The following FBXL20 variants were observed in gnomAD, a reference collection of about 807,000 sequenced individuals.
FBXL20 encodes the protein F-box/LRR-repeat protein 20.
In FBXL20, 11 loss-of-function variants were observed where a neutral mutation model predicts 64.0. The ratio of observed to expected loss-of-function variants is 0.17; its 90% CI spans 0.11 to 0.28. The LOEUF (loss-of-function observed/expected upper bound fraction) is 0.28, where lower values mean the gene tolerates loss of function less well. FBXL20 is among the 10% of genes least tolerant of loss of function. FBXL20 has a pLI of 1.00. For synonymous variants in FBXL20, 184 were observed against 189.0 expected (o/e 0.97, Z 0.22); for missense variants, 303 against 526.2 (o/e 0.58, Z 4.15).
chr17:39,321,112 G>C (rs2047351866), intron 2 of FBXL20, among the ~76,000 whole-genome samples: 1 of 151,820 alleles, frequency 6.6e-6, no homozygotes, highest in Non-Finnish European at 1.5e-5. Context: ...GAAAACTTAA[G>C]AATACTCCCA....
intron 1 of FBXL20, among the ~76,000 whole-genome samples, chr17:39,390,703 G>T (rs1246386807): frequency 6.6e-6 from 1 of 152,120 alleles, no homozygotes; most frequent in Non-Finnish European, 1.5e-5. Flanking sequence ...TTCCAACCTG[G>T]GTGATAGATC....
In FBXL20 at chr17:39,259,680, C is replaced by T. The variant is rs2046727573; in HGVS notation, c.*1780G>A. ...AATGCTTCACCTGGCTACATTCATA[C>T]TTCATTCAGAAGTCTGAACAGGGCC... On this transcript the variant is annotated 3_prime_UTR_variant, in exon 15 of 15. Transcript: ENST00000264658. 1 of 151,982 alleles carries T rather than the reference C, an allele frequency of 6.6e-6. No homozygotes were observed. The highest frequency in any genetic ancestry group is 1.9e-4 in the East Asian group (1 of 5,182). 9.4% of individuals were successfully genotyped at this position (151,982 alleles called of 1,614,324 possible). A position where few individuals can be genotyped will look rare whatever the true frequency, so the allele number is the denominator to read the frequency against.
At chr17:39,296,559 C>CAAAA (rs60002793) in intron 6 of FBXL20, among the ~76,000 whole-genome samples, 20 of 62,140 alleles carry the variant, frequency 3.2e-4, no homozygotes, top group East Asian at 5.5e-4. Context: ...GACTCTGTCT[C>CAAAA]AAAAAAAAAA....
Position 39,320,433 on chromosome 17 carries a change from T to C in FBXL20, c.105-16794A>G, listed in dbSNP as rs552978504. On this transcript the variant is annotated intron_variant, in intron 2 of 14. Coordinates refer to ENST00000264658, the MANE Select transcript of FBXL20 (RefSeq NM_032875.3). Reference sequence around the variant, plus strand: ...AGAGGCATAAAAGATAAGTGGTATATACTGACCTCACAGCACGGTTTACCA... The same window carrying C: ...AGAGGCATAAAAGATAAGTGGTATACACTGACCTCACAGCACGGTTTACCA... Among the ~76,000 whole-genome samples the C allele has an allele frequency of 4.6e-5, 7 of 152,262 alleles. No individual in the cohort carries two copies. The East Asian group carries it at 9.6e-4, about 21-fold the overall frequency.
chr17:39,289,998 CAAAAA>C (rs368530587), intron 6 of FBXL20, among the ~76,000 whole-genome samples: 172 of 41,828 alleles, frequency 4.1e-3, no homozygotes, highest in Non-Finnish European at 6.7e-3. Flanking sequence ...GACTCAGTCT[CAAAAA>C]AAAAAAAAAA....
chr17:39,331,150 G>A (rs1211673822), intron 2 of FBXL20, among the ~76,000 whole-genome samples: 1 of 152,174 alleles, frequency 6.6e-6, no homozygotes. Flanking sequence ...TCTGCGCCCA[G>A]GCTAGAGTAC....
At chr17:39,283,931 T>C (rs1425536880) in intron 7 of FBXL20, among the ~76,000 whole-genome samples, 1 of 141,730 alleles carries the variant, frequency 7.1e-6, no homozygotes, top group Admixed American at 7.1e-5. Flanking sequence ...TCAAGTTCAT[T>C]CTCCAATATT....
Position 39,311,996 on chromosome 17 carries a change from ATGTC to A in FBXL20, c.105-8361_105-8358del, listed in dbSNP as rs142182293. ...CAACAATCCTAATTCTGTTCTTAGAATGTCCTGAAGGGGTTCTAAGTATTAAGAT... is the reference window on the plus strand; with the variant it reads ...CAACAATCCTAATTCTGTTCTTAGAACTGAAGGGGTTCTAAGTATTAAGAT... On this transcript the variant is annotated intron_variant, in intron 2 of 14. Coordinates refer to ENST00000264658, the MANE Select transcript of FBXL20 (RefSeq NM_032875.3). 9.1e-3 allele frequency among the ~76,000 whole-genome samples: 1,390 copies of A among 152,296 alleles called. 17 individuals are homozygous for A. The highest frequency in any genetic ancestry group is 0.032 in the African/African-American group (1,313 of 41,556).
At chr17:39,294,172 A>AGG (rs1467894244) in intron 6 of FBXL20, among the ~76,000 whole-genome samples, 6 of 151,584 alleles carry the variant, frequency 4.0e-5, no homozygotes, top group Non-Finnish European at 8.8e-5. Flanking sequence ...ATAGGGTCTC[A>AGG]CTATGTTGGC....
intron 2 of FBXL20, among the ~76,000 whole-genome samples, chr17:39,341,938 C>T (rs1356257251): frequency 6.6e-6 from 1 of 152,148 alleles, no homozygotes; most frequent in East Asian, 1.9e-4. Context: ...AGAAAGAGCA[C>T]AAGTAGGCAA....
At chr17:39,272,643 A>G (rs914350758) in intron 10 of FBXL20, among the ~76,000 whole-genome samples, 7 of 148,012 alleles carry the variant, frequency 4.7e-5, no homozygotes, top group African/African-American at 1.5e-4. Context: ...AGGAGGTTAC[A>G]GTGAGCCAAG....
intron 1 of FBXL20, among the ~76,000 whole-genome samples, chr17:39,391,574 T>A (rs2048134049): frequency 6.6e-6 from 1 of 152,128 alleles, no homozygotes; most frequent in Non-Finnish European, 1.5e-5. Context: ...ATATAAATTA[T>A]AAGAGTACAT....
intron 2 of FBXL20, among the ~76,000 whole-genome samples, chr17:39,307,036 G>T (rs1281521588): frequency 6.6e-6 from 1 of 152,184 alleles, no homozygotes; most frequent in Non-Finnish European, 1.5e-5. Flanking sequence ...CGGATAGGTG[G>T]ATACAAAAGG....
At chr17:39,396,212 T>C (rs755956751) in intron 1 of FBXL20, among the ~76,000 whole-genome samples, 3 of 152,010 alleles carry the variant, frequency 2.0e-5, no homozygotes, top group Admixed American at 2.0e-4. Context: ...AAAGCACAGA[T>C]GCATAGGATT....
At chr17:39,359,921 TG>T (rs2047777927) in intron 1 of FBXL20, among the ~76,000 whole-genome samples, 1 of 152,120 alleles carries the variant, frequency 6.6e-6, no homozygotes, top group Non-Finnish European at 1.5e-5. Context: ...TTACATAAAA[TG>T]GAATATTTAG....
At chr17:39,305,221 A>G (rs906543914) in intron 2 of FBXL20, among the ~76,000 whole-genome samples, 3 of 152,262 alleles carry the variant, frequency 2.0e-5, no homozygotes, top group Non-Finnish European at 4.4e-5. Flanking sequence ...ATTTCATTCT[A>G]ATTTAATAAA....
In FBXL20 at chr17:39,259,232, G is replaced by C. The variant is rs1222411512; in HGVS notation, c.*2228C>G. On this transcript the variant is annotated 3_prime_UTR_variant, in exon 15 of 15. Transcript: ENST00000264658. ...TAGTCCCAGCTACTTGGGAGGCTGAGGTGGGAGGAAGGCTTGAGCCCAGGA... is the reference window on the plus strand; with the variant it reads ...TAGTCCCAGCTACTTGGGAGGCTGACGTGGGAGGAAGGCTTGAGCCCAGGA... The C allele has an allele frequency of 6.6e-6, 1 of 152,158 alleles. No individual in the cohort carries two copies. Among genetic ancestry groups the C allele is most frequent in the Non-Finnish European group, 1.5e-5 (1 of 68,064 alleles). 9.4% of individuals were successfully genotyped at this position (152,158 alleles called of 1,614,324 possible).
At chr17:39,301,493 C>T (rs1010465370) in intron 3 of FBXL20, among the ~76,000 whole-genome samples, 1 of 150,166 alleles carries the variant, frequency 6.7e-6, no homozygotes, top group East Asian at 2.0e-4. Context: ...TTTAGGAGGC[C>T]GAGGCAGGCG....
intron 2 of FBXL20, among the ~76,000 whole-genome samples, chr17:39,334,783 G>A (rs1201540452): frequency 1.3e-5 from 2 of 152,092 alleles, no homozygotes; most frequent in Non-Finnish European, 2.9e-5. Flanking sequence ...AGTTATCAAC[G>A]TCATCCTCAG....
Sources: gnomAD v4.1 joint callset for allele counts (sites outside exome capture counted in the v4.1 genomes callset) on GRCh38, gnomAD v4.1.1 for gene constraint, MANE v1.5 for transcripts, NCBI Gene and HGNC (gene_info 2026-07-23, HGNC 2026-07-21) for gene names.